CRTC1: variants seen among roughly 807,000 people sequenced by gnomAD.
CRTC1 encodes the protein CREB-regulated transcription coactivator 1.
A neutral mutation model predicts 66.1 loss-of-function variants in CRTC1; 18 were observed. That is an observed-to-expected ratio of 0.27 (90% CI 0.19 to 0.40). CRTC1 has a LOEUF of 0.40. Ranked by LOEUF, CRTC1 falls within the 10% of genes least tolerant of loss-of-function variation. The pLI is 1.00. For synonymous variants in CRTC1, 416 were observed against 398.8 expected (o/e 1.04, Z -0.51); for missense variants, 669 against 887.9 (o/e 0.75, Z 3.13).
rs971506068 is a variant in CRTC1, at chr19:18,781,227, C to G, written c.*3845C>G. On this transcript the variant is annotated 3_prime_UTR_variant, in exon 14 of 14. Coordinates refer to ENST00000321949, the MANE Select transcript of CRTC1 (RefSeq NM_015321.3). ...ATGTGGTGCCCTGGGCCAGGGCGTGCGGGCGCCAGAGCCTTCCCTACACAG... is the reference window on the plus strand; with the variant it reads ...ATGTGGTGCCCTGGGCCAGGGCGTGGGGGCGCCAGAGCCTTCCCTACACAG... 8.8e-6 allele frequency: 2 copies of G among 226,464 alleles called. No homozygotes were observed. The highest frequency in any genetic ancestry group is 1.8e-5 in the Non-Finnish European group (2 of 113,898). 14.0% of individuals were successfully genotyped at this position (226,464 alleles called of 1,614,324 possible). A position where few individuals can be genotyped will look rare whatever the true frequency, so the allele number is the denominator to read the frequency against.
At chr19:18,748,420 C>T (rs933395607) in intron 4 of CRTC1, among the ~76,000 whole-genome samples, 3 of 141,722 alleles carry the variant, frequency 2.1e-5, no homozygotes, top group Non-Finnish European at 3.0e-5. Flanking sequence ...GATCTTGCCA[C>T]GTTACCCAGG....
chr19:18,765,255 G>A (rs2054702635), intron 8 of CRTC1, 149 bp from the exon 9 acceptor site: 2 of 1,180,820 alleles, frequency 1.7e-6, no homozygotes, highest in Non-Finnish European at 2.3e-6. Context: ...CCTTCGGGGG[G>A]TGCCCAGGTT....
At chr19:18,706,774 GT>G (rs1313057994) in intron 1 of CRTC1, among the ~76,000 whole-genome samples, 1 of 152,106 alleles carries the variant, frequency 6.6e-6, no homozygotes, top group Non-Finnish European at 1.5e-5. Flanking sequence ...ATCTTTTCAT[GT>G]GCTTATTGGC....
chr19:18,684,552 G>T (rs2145436200), intron 1 of CRTC1, among the ~76,000 whole-genome samples: 1 of 152,248 alleles, frequency 6.6e-6, no homozygotes, highest in East Asian at 1.9e-4. Flanking sequence ...GGGCCAAGAA[G>T]GCAGATTGTG....
At chr19:18,759,906 G>T in intron 7 of CRTC1, 102 bp from the exon 8 acceptor site, 2 of 885,606 alleles carry the variant, frequency 2.3e-6, no homozygotes, top group Non-Finnish European at 3.5e-6. Context: ...CTGATGGGGG[G>T]TGGCCTTTTG....
chr19:18,687,934 C>T (rs536200656), intron 1 of CRTC1, among the ~76,000 whole-genome samples: 9 of 152,170 alleles, frequency 5.9e-5, no homozygotes, highest in African/African-American at 1.2e-4. Context: ...CTGTCTATGG[C>T]GCTCTGCTGT....
intron 1 of CRTC1, among the ~76,000 whole-genome samples, chr19:18,694,282 CAG>C (rs1478483246): frequency 8.5e-6 from 1 of 117,504 alleles, no homozygotes. Flanking sequence ...GCCTGGCCGA[CAG>C]AGAGACTCCA....
chr19:18,686,646 CAAAACA>C lies in CRTC1; in HGVS notation c.126+2832_126+2837del, dbSNP rs566551999. The stretch of plus-strand genomic sequence containing the variant: ...TTGGCAACAGAGTGAGACTCCATCT[CAAAACA>C]AAAACAAAAACAAGATTCTGAAGAT... On this transcript the variant is annotated intron_variant, in intron 1 of 13. Coordinates refer to ENST00000321949, the MANE Select transcript of CRTC1 (RefSeq NM_015321.3). Among the ~76,000 whole-genome samples, 335 of 152,242 alleles carry C rather than the reference CAAAACA, an allele frequency of 2.2e-3. 2 individuals are homozygous for C. The highest frequency in any genetic ancestry group is 7.5e-3 in the African/African-American group (313 of 41,542).
chr19:18,742,898 T>C lies in CRTC1; in HGVS notation c.127-12T>C. 6.2e-7 allele frequency: 1 copy of C among 1,603,836 alleles called. No homozygotes were observed. The highest frequency in any genetic ancestry group is 1.3e-5 in the African/African-American group (1 of 74,830). ...GTGACCCCTCCCGCAGCTGCTGGCTTCTCTCTCGCAGCTCCAGCTCCAGAA... is the reference window on the plus strand; with the variant it reads ...GTGACCCCTCCCGCAGCTGCTGGCTCCTCTCTCGCAGCTCCAGCTCCAGAA... On this transcript the variant is annotated splice_polypyrimidine_tract_variant and intron_variant, in intron 1 of 13. Transcript: ENST00000321949.
intron 1 of CRTC1, among the ~76,000 whole-genome samples, chr19:18,684,739 G>C (rs2145437428): frequency 6.6e-6 from 1 of 152,318 alleles, no homozygotes; most frequent in South Asian, 2.1e-4. Flanking sequence ...TTGGTGTGCA[G>C]GGGCAGGCCA....
At position 18,779,042 on chromosome 19, in the gene CRTC1, AAGGGAGGCATC is replaced by A. The variant is rs1601037070; in HGVS notation, c.*1665_*1675del. The A allele has an allele frequency of 1.7e-5, 4 of 232,424 alleles. No homozygotes were observed. The East Asian group carries it at 2.4e-4, about 14-fold the overall frequency. 14.4% of individuals were successfully genotyped at this position (232,424 alleles called of 1,614,324 possible). A position where few individuals can be genotyped will look rare whatever the true frequency, so the allele number is the denominator to read the frequency against. ...ACCCTCCCCATACCACGGGCCCTGC[AAGGGAGGCATC>A]AGGGCTGGCTTTGTTTTCTGCTGTT... is the stretch of plus-strand genomic sequence containing the variant. On this transcript the variant is annotated 3_prime_UTR_variant, in exon 14 of 14. Coordinates refer to ENST00000321949, the MANE Select transcript of CRTC1 (RefSeq NM_015321.3).
At chr19:18,705,697 A>G (rs1206132797) in intron 1 of CRTC1, among the ~76,000 whole-genome samples, 1 of 152,238 alleles carries the variant, frequency 6.6e-6, no homozygotes, top group African/African-American at 2.4e-5. Flanking sequence ...CCAACAGTGT[A>G]TAAGGATTTC....
intron 1 of CRTC1, among the ~76,000 whole-genome samples, chr19:18,732,120 A>G (rs1362321916): frequency 6.6e-6 from 1 of 151,920 alleles, no homozygotes; most frequent in African/African-American, 2.4e-5. Flanking sequence ...GTTGGCCTGC[A>G]GAAAGACACA....
intron 5 of CRTC1, among the ~76,000 whole-genome samples, chr19:18,753,275 CTAAATAAATAAATAAA>C (rs59575360): frequency 1.4e-5 from 2 of 145,976 alleles, no homozygotes; most frequent in South Asian, 2.3e-4. Flanking sequence ...GACTCCGTCT[CTAAATAAATAAATAAA>C]TAAATAAATA....
chr19:18,719,894 A>G (rs11880870), intron 1 of CRTC1, among the ~76,000 whole-genome samples: 86,212 of 152,136 alleles, frequency 0.57, 25,469 homozygotes, highest in East Asian at 0.9. Context: ...CCGCTCCGGG[A>G]AGGCCCCAGG....
At chr19:18,758,205 C>CA (rs1474207443) in intron 6 of CRTC1, among the ~76,000 whole-genome samples, 1 of 143,856 alleles carries the variant, frequency 7.0e-6, no homozygotes. Context: ...ACTAAAAATA[C>CA]AAAAATTAGC....
chr19:18,776,027 C>T (rs1039752583), intron 13 of CRTC1, among the ~76,000 whole-genome samples: 3 of 150,514 alleles, frequency 2.0e-5, no homozygotes, highest in African/African-American at 7.4e-5. Flanking sequence ...CAGGGAGATG[C>T]CTCTGGACCA....
intron 6 of CRTC1, among the ~76,000 whole-genome samples, chr19:18,758,788 G>A (rs147045655): frequency 3.7e-3 from 560 of 152,330 alleles, no homozygotes; most frequent in African/African-American, 0.013. Context: ...TGGGCCTTGG[G>A]CTTGATTCAC....
chr19:18,709,005 C>G (rs2053329526), intron 1 of CRTC1, among the ~76,000 whole-genome samples: 2 of 152,184 alleles, frequency 1.3e-5, no homozygotes, highest in Non-Finnish European at 2.9e-5. Flanking sequence ...AGGGGAAGGC[C>G]TCATGGGTGC....
Sources: allele counts gnomAD v4.1 joint callset (sites outside exome capture counted in the v4.1 genomes callset), GRCh38; gene constraint gnomAD v4.1.1; transcripts MANE v1.5; gene names NCBI Gene and HGNC (gene_info 2026-07-23, HGNC 2026-07-21).